Variants in PITPNC1 observed in about 807,000 individuals in gnomAD.
The protein encoded by PITPNC1 is phosphatidylinositol transfer protein cytoplasmic 1.
In PITPNC1, 18 loss-of-function variants were observed where a neutral mutation model predicts 44.7. That is an observed-to-expected ratio of 0.40 (90% CI 0.28 to 0.60). The LOEUF (loss-of-function observed/expected upper bound fraction) is 0.60. PITPNC1 is among the 20% of genes least tolerant of loss of function. The pLI is 0.39. For missense variants in PITPNC1, 290 were observed against 418.4 expected (o/e 0.69, Z 2.68); for synonymous variants, 141 against 149.6 (o/e 0.94, Z 0.42).
At chr17:67,437,116 C>T (rs574532593) in intron 1 of PITPNC1, among the ~76,000 whole-genome samples, 10 of 151,692 alleles carry the variant, frequency 6.6e-5, no homozygotes, top group Admixed American at 2.6e-4. Context: ...GACAGGGTTT[C>T]GCCATGTTGC....
chr17:67,526,850 A>G (rs1323789064), intron 1 of PITPNC1, among the ~76,000 whole-genome samples: 1 of 152,204 alleles, frequency 6.6e-6, no homozygotes, highest in African/African-American at 2.4e-5. Flanking sequence ...CTTGCCTCCA[A>G]TTTTGCAGCT....
intron 5 of PITPNC1, among the ~76,000 whole-genome samples, chr17:67,578,756 C>T (rs2041185507): frequency 6.6e-6 from 1 of 152,184 alleles, no homozygotes; most frequent in Admixed American, 6.5e-5. Context: ...CTGAGGCAGG[C>T]ACATCACCTG....
intron 5 of PITPNC1, among the ~76,000 whole-genome samples, chr17:67,627,739 C>T (rs1468755323): frequency 6.6e-6 from 1 of 152,166 alleles, no homozygotes; most frequent in Admixed American, 6.5e-5. Flanking sequence ...CAGACTTGCC[C>T]TCCAGTCTGA....
intron 4 of PITPNC1, among the ~76,000 whole-genome samples, chr17:67,570,200 G>A (rs1439908338): frequency 3.3e-5 from 5 of 152,186 alleles, no homozygotes; most frequent in African/African-American, 7.2e-5. Flanking sequence ...AAGAGTTCAC[G>A]GAGATCCTGG....
chr17:67,687,160 CAT>C, intron 8 of PITPNC1: 1 of 1,583,698 alleles, frequency 6.3e-7, no homozygotes, highest in Non-Finnish European at 8.7e-7. Context: ...CTGTGGATGA[CAT>C]AGAGAGTCAT....
intron 4 of PITPNC1, among the ~76,000 whole-genome samples, chr17:67,564,315 A>C (rs902408981): frequency 5.3e-5 from 8 of 152,126 alleles, no homozygotes; most frequent in Non-Finnish European, 1.2e-4. Context: ...GGCTGAGTCC[A>C]AGTCAGAAGG....
intron 5 of PITPNC1, among the ~76,000 whole-genome samples, chr17:67,599,030 A>T (rs1295536718): frequency 2.6e-3 from 77 of 30,142 alleles, no homozygotes; most frequent in African/African-American, 0.011. Flanking sequence ...ATATATATAT[A>T]TATATTTTTT....
At chr17:67,533,942 G>A (rs563765347) in intron 2 of PITPNC1, among the ~76,000 whole-genome samples, 3 of 151,336 alleles carry the variant, frequency 2.0e-5, no homozygotes, top group South Asian at 2.1e-4. Context: ...TTGCCCAGAC[G>A]GGAGTGTAAT....
intron 5 of PITPNC1, among the ~76,000 whole-genome samples, chr17:67,630,812 A>G (rs899018962): frequency 3.8e-4 from 58 of 151,358 alleles, no homozygotes; most frequent in Middle Eastern, 3.2e-3. Flanking sequence ...CCTGGGTTCA[A>G]GTGATTCTTC....
chr17:67,527,162 G>GA (rs1233096117), intron 1 of PITPNC1, among the ~76,000 whole-genome samples: 1 of 152,190 alleles, frequency 6.6e-6, no homozygotes, highest in Non-Finnish European at 1.5e-5. Flanking sequence ...GCAAAGGTCA[G>GA]AGGCAGTAGC....
intron 6 of PITPNC1, among the ~76,000 whole-genome samples, chr17:67,660,755 AG>A (rs1398977738): frequency 2.0e-5 from 3 of 151,864 alleles, no homozygotes; most frequent in African/African-American, 7.3e-5. Context: ...CATGTTGGCC[AG>A]GCTGGTCTCG....
At chr17:67,605,314 A>G (rs553896473) in intron 5 of PITPNC1, among the ~76,000 whole-genome samples, 3 of 152,188 alleles carry the variant, frequency 2.0e-5, no homozygotes, top group African/African-American at 7.2e-5. Context: ...AGCTCCCTGC[A>G]TGGAGAAGGA....
chr17:67,430,843 G>C (rs925846227), intron 1 of PITPNC1, among the ~76,000 whole-genome samples: 1 of 150,912 alleles, frequency 6.6e-6, no homozygotes, highest in Non-Finnish European at 1.5e-5. Context: ...AGTCCCAGCT[G>C]CTCAGGAGGC....
intron 5 of PITPNC1, chr17:67,613,821 T>G (rs1411174751): frequency 1.1e-5 from 1 of 94,330 alleles, no homozygotes; most frequent in African/African-American, 4.3e-5. Flanking sequence ...AGACTCCGTC[T>G]CAAAAAAAAA....
At chr17:67,421,205 A>C (rs1598640172) in intron 1 of PITPNC1, among the ~76,000 whole-genome samples, 1 of 152,178 alleles carries the variant, frequency 6.6e-6, no homozygotes, top group Non-Finnish European at 1.5e-5. Context: ...GGAGTCATTC[A>C]CACATACAGC....
Position 67,398,741 on chromosome 17 carries a change from A to G in PITPNC1, c.48+20539A>G, listed in dbSNP as rs146621678. Among the ~76,000 whole-genome samples, 336 of 152,054 alleles carry G rather than the reference A, an allele frequency of 2.2e-3. 2 individuals are homozygous for G. The highest frequency in any genetic ancestry group is 5.8e-3 in the African/African-American group (240 of 41,486). Reference sequence around the variant, plus strand: ...TGCTTTGGATTTTCTTCTCAATCCAACCACTGAGCTGATCATCACCAGTTG... The same window carrying G: ...TGCTTTGGATTTTCTTCTCAATCCAGCCACTGAGCTGATCATCACCAGTTG... On this transcript the variant is annotated intron_variant, in intron 1 of 8. Transcript: ENST00000581322.
intron 6 of PITPNC1, among the ~76,000 whole-genome samples, chr17:67,658,226 G>A (rs2042295628): frequency 6.6e-6 from 1 of 152,226 alleles, no homozygotes; most frequent in South Asian, 2.1e-4. Flanking sequence ...ACAGTTTAAA[G>A]CCTGAAAGCC....
intron 5 of PITPNC1, among the ~76,000 whole-genome samples, chr17:67,606,920 C>G (rs1434027438): frequency 6.6e-6 from 1 of 152,172 alleles, no homozygotes; most frequent in African/African-American, 2.4e-5. Context: ...CAAACCACTG[C>G]CTGTCTGAAA....
chr17:67,394,429 T>A (rs1302752488), intron 1 of PITPNC1, among the ~76,000 whole-genome samples: 1 of 152,214 alleles, frequency 6.6e-6, no homozygotes, highest in African/African-American at 2.4e-5. Flanking sequence ...CAGATTGGAT[T>A]GAAACTCTGA....
Sources: allele counts gnomAD v4.1 joint callset (sites outside exome capture counted in the v4.1 genomes callset), GRCh38; gene constraint gnomAD v4.1.1; transcripts MANE v1.5; gene names NCBI Gene and HGNC (gene_info 2026-07-23, HGNC 2026-07-21).